The following CPNE3 variants were observed in gnomAD, a reference collection of about 807,000 sequenced individuals.
The protein encoded by CPNE3 is copine 3, also known as copine-3.
CPNE3 carries 68 observed loss-of-function variants against 63.9 expected under a neutral mutation model. That is an observed-to-expected ratio of 1.06 (90% CI 0.87 to 1.30). CPNE3 has a LOEUF of 1.30. Ranked by LOEUF, CPNE3 falls within the 50% of genes most tolerant of loss-of-function variation. The pLI is 0.00. For synonymous variants in CPNE3, 219 were observed against 197.5 expected, an observed-to-expected ratio of 1.11 and a Z score of -0.91; for missense variants, 665 against 578.1, an observed-to-expected ratio of 1.15 and a Z score of -1.54.
chr8:86,555,039 G>A, intron 15 of CPNE3, 55 bp downstream of exon 15: 1 of 1,604,884 alleles, frequency 6.2e-7, no homozygotes, highest in Non-Finnish European at 8.5e-7. Context: ...GCAGCTCCTG[G>A]TGCCATTTTT....
At chr8:86,523,660 A>G (rs1270440312) in intron 2 of CPNE3, among the ~76,000 whole-genome samples, 1 of 152,150 alleles carries the variant, frequency 6.6e-6, no homozygotes. Flanking sequence ...ATCTCGGCTC[A>G]CTGCAACCTT....
chr8:86,536,146 T>C (rs945645208), intron 6 of CPNE3, among the ~76,000 whole-genome samples: 2 of 151,746 alleles, frequency 1.3e-5, no homozygotes, highest in South Asian at 4.2e-4. Flanking sequence ...TTTTAAAAAG[T>C]TGTGTTTTAT....
chr8:86,516,154 G>A (rs766458032), intron 2 of CPNE3, among the ~76,000 whole-genome samples: 5 of 152,180 alleles, frequency 3.3e-5, no homozygotes, highest in Non-Finnish European at 7.3e-5. Context: ...ATGTGAGGTG[G>A]AGCTGAATTT....
rs868163853 is a variant in CPNE3 at position 86,524,572 on chromosome 8, A to C, written c.-10-3964A>C. 3 of 152,130 alleles carry C rather than the reference A, an allele frequency of 2.0e-5. 1 individual carries two copies. The South Asian group carries it at 6.2e-4, about 31-fold the overall frequency. 9.4% of individuals were successfully genotyped at this position (152,130 alleles called of 1,614,324 possible). ...TGCTCTTTAAGGAGTAAAATACTACATAGAATTCTTCTTTAGTTGCTCATG... is the reference window on the plus strand; with the variant it reads ...TGCTCTTTAAGGAGTAAAATACTACCTAGAATTCTTCTTTAGTTGCTCATG... On this transcript the variant is annotated intron_variant, in intron 2 of 16. Transcript: ENST00000517490.
intron 2 of CPNE3, among the ~76,000 whole-genome samples, chr8:86,527,588 A>G (rs1368322978): frequency 6.6e-6 from 1 of 152,166 alleles, no homozygotes; most frequent in Non-Finnish European, 1.5e-5. Context: ...CATCCAAGGA[A>G]CTGATGTCAG....
Position 86,547,734 on chromosome 8 carries a change from T to C in CPNE3, c.843T>C (p.Leu281=). 1 of 1,366,928 alleles carries C rather than the reference T, an allele frequency of 7.3e-7. No individual in the cohort carries two copies. The highest frequency in any genetic ancestry group is 1.0e-6 in the Non-Finnish European group (1 of 958,758). 84.7% of individuals were successfully genotyped at this position (1,366,928 alleles called of 1,614,324 possible). ...AGATTACAGTAGAATGCACATTCCT[T>C]GACTATATAATGGGAGGATGTCAGC... ...QCEITVECTF[L]DYIMGGCQLN... The change falls in exon 11 of 17, where the codon CTT becomes CTC. Residue 281 remains leucine, a synonymous_variant. Transcript: ENST00000517490.
chr8:86,540,533 A>G (rs1820914691), intron 8 of CPNE3, among the ~76,000 whole-genome samples, 199 bp downstream of exon 8: 1 of 152,190 alleles, frequency 6.6e-6, no homozygotes, highest in African/African-American at 2.4e-5. Context: ...ATGTTTGACT[A>G]ATCTGTTGAC....
At chr8:86,529,848 T>TA (rs1268868630) in intron 4 of CPNE3, among the ~76,000 whole-genome samples, 1 of 152,090 alleles carries the variant, frequency 6.6e-6, no homozygotes, top group Non-Finnish European at 1.5e-5. Flanking sequence ...GTCACTCACA[T>TA]ATGTCTTTTA....
At chr8:86,552,962 G>GCCCC (rs1173984951) in intron 14 of CPNE3, among the ~76,000 whole-genome samples, 16 of 3,510 alleles carry the variant, frequency 4.6e-3, no homozygotes, top group African/African-American at 8.0e-3. Flanking sequence ...GCCACAGCCC[G>GCCCC]CCCCCCCCCC....
chr8:86,543,759 A>G (rs1019877218), intron 8 of CPNE3, among the ~76,000 whole-genome samples: 2 of 152,142 alleles, frequency 1.3e-5, no homozygotes, highest in Admixed American at 6.6e-5. Flanking sequence ...TATTTAGAGA[A>G]TGTGCACAGT....
intron 6 of CPNE3, among the ~76,000 whole-genome samples, chr8:86,535,782 A>C (rs1337346846): frequency 6.6e-6 from 1 of 152,190 alleles, no homozygotes; most frequent in Non-Finnish European, 1.5e-5. Context: ...CACAACGTTA[A>C]TAGTTTTAGA....
At chr8:86,532,616 T>A (rs1820707941) in intron 6 of CPNE3, 36 bp downstream of exon 6, 9 of 1,550,014 alleles carry the variant, frequency 5.8e-6, no homozygotes, top group Non-Finnish European at 7.0e-6. Context: ...AAGGTTGTCA[T>A]GTTTTGCCTC....
chr8:86,519,840 T>C (rs1008155193), intron 2 of CPNE3, among the ~76,000 whole-genome samples: 1 of 152,086 alleles, frequency 6.6e-6, no homozygotes, highest in Non-Finnish European at 1.5e-5. Flanking sequence ...CAGCCTCCCA[T>C]GTAGCTGGGA....
intron 2 of CPNE3, among the ~76,000 whole-genome samples, chr8:86,520,578 T>C (rs1263761575): frequency 6.7e-6 from 1 of 149,998 alleles, no homozygotes; most frequent in Non-Finnish European, 1.5e-5. Flanking sequence ...ATTTAACAGC[T>C]GAAAAAACCT....
At chr8:86,518,013 T>C (rs759032376) in intron 2 of CPNE3, among the ~76,000 whole-genome samples, 1 of 152,202 alleles carries the variant, frequency 6.6e-6, no homozygotes, top group African/African-American at 2.4e-5. Context: ...TATAAACATC[T>C]CAACAGCCTT....
At chr8:86,544,157 A>C (rs1821001287) in intron 8 of CPNE3, among the ~76,000 whole-genome samples, 1 of 152,098 alleles carries the variant, frequency 6.6e-6, no homozygotes, top group Admixed American at 6.6e-5. Flanking sequence ...CTTAGCCTGG[A>C]ATTGTTCCTT....
rs1820423447 is a variant in CPNE3 at position 86,520,943 on chromosome 8, GT to G, written c.-11+5447del. On this transcript the variant is annotated intron_variant, in intron 2 of 16. Transcript: ENST00000517490. ...CCTGATCCAGTGATTCTTCCTTTTT[GT>G]TTCTTTTTTGTTTTGTTTTATGTAT... Among the ~76,000 whole-genome samples the G allele has an allele frequency of 5.9e-5, 9 of 151,920 alleles. No individual in the cohort carries two copies. In the South Asian group the frequency reaches 1.9e-3, roughly 32 times the overall value.
rs869225401 is a variant in CPNE3 at position 86,527,946 on chromosome 8, A to ATTTTTTTTTTTTTTTTTTTTTTTT, written c.-10-588_-10-565dup. Among the ~76,000 whole-genome samples, 20 of 85,968 alleles carry ATTTTTTTTTTTTTTTTTTTTTTTT rather than the reference A, an allele frequency of 2.3e-4. 5 individuals are homozygous for ATTTTTTTTTTTTTTTTTTTTTTTT. Among genetic ancestry groups the ATTTTTTTTTTTTTTTTTTTTTTTT allele is most frequent in the African/African-American group, 1.1e-3 (20 of 17,652 alleles). 56.4% of individuals were successfully genotyped at this position (85,968 alleles called of 152,430 possible). ...AAATTTATAGTTAAGGTAAAAAGAA[A>ATTTTTTTTTTTTTTTTTTTTTTTT]TTTTTTTTTTTTTTTTTTTTTTTTT... On this transcript the variant is annotated intron_variant, in intron 2 of 16. Transcript: ENST00000517490.
At chr8:86,516,592 G>A (rs138858639) in intron 2 of CPNE3, among the ~76,000 whole-genome samples, 251 of 151,940 alleles carry the variant, frequency 1.7e-3, no homozygotes, top group Middle Eastern at 6.8e-3. Context: ...ATCTTACTAT[G>A]TTGCCCAGGC....
Sources: gnomAD v4.1 joint callset for allele counts (sites outside exome capture counted in the v4.1 genomes callset) on GRCh38, gnomAD v4.1.1 for gene constraint, MANE v1.5 for transcripts, NCBI Gene and HGNC (gene_info 2026-07-23, HGNC 2026-07-21) for gene names.